Variants in KAZN observed in about 807,000 individuals in gnomAD.
KAZN encodes kazrin.
A neutral mutation model predicts 87.4 loss-of-function variants in KAZN; 40 were observed. The ratio of observed to expected loss-of-function variants is 0.46; its 90% confidence interval spans 0.36 to 0.60. The LOEUF (loss-of-function observed/expected upper bound fraction) is 0.60, where lower values mean the gene tolerates loss of function less well. KAZN is among the 20% of genes least tolerant of loss of function. The pLI is 0.00. For synonymous variants in KAZN, 466 were observed against 458.3 expected (o/e 1.02, Z -0.22); for missense variants, 898 against 1,073.9 (o/e 0.84, Z 2.29).
chr1:14,924,142 G>C, intron 1 of KAZN: 2 of 982,500 alleles, frequency 2.0e-6, no homozygotes, highest in Non-Finnish European at 2.4e-6. Flanking sequence ...CCGTTCCCAC[G>C]TGAGAGGCTC....
At chr1:14,315,064 C>T (rs577146127) in intron 2 of KAZN, among the ~76,000 whole-genome samples, 3 of 152,306 alleles carry the variant, frequency 2.0e-5, no homozygotes, top group African/African-American at 7.2e-5. Context: ...TTTATCCATT[C>T]ATCAGTTGAT....
At chr1:14,070,790 A>G (rs1445534931) in intron 1 of KAZN, among the ~76,000 whole-genome samples, 1 of 152,170 alleles carries the variant, frequency 6.6e-6, no homozygotes, top group Admixed American at 6.5e-5. Flanking sequence ...GCCAACAGCT[A>G]AATGTACCCA....
chr1:13,917,169 C>T (rs566696465), intron 1 of KAZN, among the ~76,000 whole-genome samples: 118 of 152,210 alleles, frequency 7.8e-4, no homozygotes, highest in Non-Finnish European at 1.3e-3. Flanking sequence ...TCCTACCATA[C>T]GTTAGAGGAA....
intron 1 of KAZN, among the ~76,000 whole-genome samples, chr1:14,088,301 C>T (rs191833734): frequency 2.8e-4 from 42 of 151,938 alleles, no homozygotes; most frequent in Admixed American, 2.4e-3. Context: ...AGCATTACTT[C>T]AGCTATACCT....
At chr1:14,951,401 G>A (rs1175875172) in intron 1 of KAZN, among the ~76,000 whole-genome samples, 1 of 151,988 alleles carries the variant, frequency 6.6e-6, no homozygotes, top group Non-Finnish European at 1.5e-5. Context: ...GGGAGTCCCT[G>A]TCTCTTAATA....
intron 2 of KAZN, among the ~76,000 whole-genome samples, chr1:14,560,703 G>A (rs1160975183): frequency 6.6e-6 from 1 of 152,142 alleles, no homozygotes; most frequent in Non-Finnish European, 1.5e-5. Context: ...CAGTGGTGGT[G>A]GTGATGATGA....
At chr1:15,114,368 A>T in intron 14 of KAZN, 103 bp from the exon 15 acceptor site, 2 of 913,156 alleles carry the variant, frequency 2.2e-6, no homozygotes, top group Middle Eastern at 2.6e-4. Flanking sequence ...TAAGTAAGTT[A>T]CTCAATCACA....
intron 2 of KAZN, among the ~76,000 whole-genome samples, chr1:14,536,221 A>G (rs1672496507): frequency 6.6e-6 from 1 of 152,218 alleles, no homozygotes; most frequent in Non-Finnish European, 1.5e-5. Context: ...ATCATTTGGA[A>G]TGGATTTGAG....
At chr1:14,730,865 C>G (rs909406520) in intron 1 of KAZN, among the ~76,000 whole-genome samples, 1 of 152,106 alleles carries the variant, frequency 6.6e-6, no homozygotes, top group Non-Finnish European at 1.5e-5. Flanking sequence ...CTTCATTCTC[C>G]TCATTCTCCA....
chr1:14,069,968 A>G (rs1437434554), intron 1 of KAZN, among the ~76,000 whole-genome samples: 2 of 152,052 alleles, frequency 1.3e-5, no homozygotes, highest in Non-Finnish European at 2.9e-5. Context: ...CAGGAGATTG[A>G]GACCATCTTG....
chr1:14,301,879 A>G (rs904700682), intron 2 of KAZN, among the ~76,000 whole-genome samples: 10 of 152,166 alleles, frequency 6.6e-5, no homozygotes, highest in East Asian at 1.9e-4. Context: ...TACCAAAGGC[A>G]GGACCCCTGC....
intron 2 of KAZN, among the ~76,000 whole-genome samples, chr1:15,028,260 C>T (rs1671364973): frequency 6.6e-6 from 1 of 152,236 alleles, no homozygotes; most frequent in Admixed American, 6.5e-5. Flanking sequence ...CATGATCCTG[C>T]AGGGCCTGCT....
chr1:14,613,649 A>C (rs1677988823), intron 1 of KAZN, among the ~76,000 whole-genome samples: 1 of 152,214 alleles, frequency 6.6e-6, no homozygotes, highest in Non-Finnish European at 1.5e-5. Context: ...ATATTTGAAA[A>C]CTAATGGTAC....
chr1:14,582,146 CA>C (rs1184158881), intron 2 of KAZN, among the ~76,000 whole-genome samples: 4 of 144,794 alleles, frequency 2.8e-5, no homozygotes, highest in Non-Finnish European at 4.6e-5. Context: ...ATTTTACAAG[CA>C]AAAAAAACCT....
At chr1:13,956,759 G>A (rs147369364) in intron 1 of KAZN, among the ~76,000 whole-genome samples, 200 of 152,244 alleles carry the variant, frequency 1.3e-3, no homozygotes, top group African/African-American at 4.4e-3. Context: ...AACAAAAACC[G>A]TGGACTTGAA....
At chr1:14,893,455 G>C (rs1654937081) in intron 1 of KAZN, among the ~76,000 whole-genome samples, 1 of 152,218 alleles carries the variant, frequency 6.6e-6, no homozygotes, top group Non-Finnish European at 1.5e-5. Context: ...CAGAGAAGTA[G>C]GTCACGGGGG....
chr1:13,907,359 A>AG (rs1272746421), intron 1 of KAZN, among the ~76,000 whole-genome samples: 1 of 152,130 alleles, frequency 6.6e-6, no homozygotes, highest in African/African-American at 2.4e-5. Context: ...GATGCTTGGC[A>AG]GGGTGGGAGC....
At chr1:13,925,489 A>C (rs1640236572) in intron 1 of KAZN, among the ~76,000 whole-genome samples, 1 of 152,140 alleles carries the variant, frequency 6.6e-6, no homozygotes, top group Admixed American at 6.5e-5. Flanking sequence ...AGTACCTGGG[A>C]GATGGTGCTC....
chr1:14,573,703 G>T (rs1287402621), intron 2 of KAZN, among the ~76,000 whole-genome samples: 1 of 151,960 alleles, frequency 6.6e-6, no homozygotes, highest in South Asian at 2.1e-4. Flanking sequence ...ATGAGTCCAG[G>T]TCAGAACTTT....
Sources: allele counts gnomAD v4.1 joint callset (sites outside exome capture counted in the v4.1 genomes callset), GRCh38; gene constraint gnomAD v4.1.1; transcripts MANE v1.5; gene names NCBI Gene and HGNC (gene_info 2026-07-23, HGNC 2026-07-21).